The following LRRTM4 variants were observed in gnomAD, a reference collection of about 807,000 sequenced individuals.
LRRTM4 encodes the protein leucine-rich repeat transmembrane neuronal protein 4.
In LRRTM4, 25 loss-of-function variants were observed where a neutral mutation model predicts 47.6. The ratio of observed to expected loss-of-function variants is 0.53; its 90% CI spans 0.38 to 0.73. The LOEUF (loss-of-function observed/expected upper bound fraction) is 0.73. LRRTM4 is among the 30% of genes least tolerant of loss of function. The pLI is 0.00. For synonymous variants in LRRTM4, 311 were observed against 269.5 expected (o/e 1.15, Z -1.51); for missense variants, 638 against 713.4 (o/e 0.89, Z 1.20).
chr2:77,052,588 T>A (rs1679474925), intron 3 of LRRTM4, among the ~76,000 whole-genome samples: 1 of 152,080 alleles, frequency 6.6e-6, no homozygotes, highest in Admixed American at 6.6e-5. Flanking sequence ...TTTTTTTTAC[T>A]GATCTGAAGG....
chr2:77,189,988 A>G (rs1051751100), intron 3 of LRRTM4, among the ~76,000 whole-genome samples: 13 of 152,152 alleles, frequency 8.5e-5, no homozygotes, highest in African/African-American at 3.1e-4. Context: ...TAGTTAAATG[A>G]GATACAATAT....
intron 3 of LRRTM4, among the ~76,000 whole-genome samples, chr2:76,911,441 T>C (rs1226979321): frequency 2.0e-5 from 3 of 152,224 alleles, no homozygotes; most frequent in African/African-American, 7.2e-5. Context: ...CAATCTGATA[T>C]AAATCTCTTT....
At position 77,136,079 on chromosome 2, in the gene LRRTM4, C is replaced by T. The variant is rs181648292; in HGVS notation, c.1551+382239G>A. 2.7e-3 allele frequency among the ~76,000 whole-genome samples: 415 copies of T among 152,204 alleles called. 2 individuals are homozygous for T. The highest frequency in any genetic ancestry group is 0.01 in the Middle Eastern group (3 of 292). On this transcript the variant is annotated intron_variant, in intron 3 of 3. Transcript: ENST00000409884. The stretch of plus-strand genomic sequence containing the variant: ...AGTCTACAGCTCCCAGCCTGAGTGA[C>T]GCAGAAGATGGGTGATTTCTGCATT...
intron 3 of LRRTM4, among the ~76,000 whole-genome samples, chr2:77,024,510 G>A (rs1573465900): frequency 6.9e-6 from 1 of 144,228 alleles, no homozygotes; most frequent in African/African-American, 2.5e-5. Context: ...AAAAAAAAAA[G>A]GAAAATTCAA....
At chr2:76,961,226 T>C (rs1050298731) in intron 3 of LRRTM4, among the ~76,000 whole-genome samples, 2 of 151,440 alleles carry the variant, frequency 1.3e-5, no homozygotes, top group Non-Finnish European at 3.0e-5. Flanking sequence ...TAAATAAATA[T>C]CTAATATAAT....
At chr2:77,362,336 A>G (rs903514062) in intron 3 of LRRTM4, among the ~76,000 whole-genome samples, 6 of 152,074 alleles carry the variant, frequency 3.9e-5, no homozygotes, top group African/African-American at 1.4e-4. Flanking sequence ...AGTATATGAG[A>G]CTGGTGTGCC....
chr2:76,809,791 A>C (rs1316402048), intron 3 of LRRTM4, among the ~76,000 whole-genome samples: 1 of 152,294 alleles, frequency 6.6e-6, no homozygotes, highest in East Asian at 1.9e-4. Flanking sequence ...ATGTGGATCC[A>C]GCCACAGTTA....
intron 3 of LRRTM4, among the ~76,000 whole-genome samples, chr2:77,490,165 G>T (rs991560642): frequency 6.6e-6 from 1 of 151,992 alleles, no homozygotes; most frequent in Non-Finnish European, 1.5e-5. Flanking sequence ...CACAAGAATT[G>T]CTTGAACTCA....
At chr2:76,968,950 G>A (rs1185277877) in intron 3 of LRRTM4, among the ~76,000 whole-genome samples, 2 of 151,784 alleles carry the variant, frequency 1.3e-5, no homozygotes, top group East Asian at 3.9e-4. Context: ...CAATTACCTT[G>A]CAGTCATTTG....
intron 3 of LRRTM4, among the ~76,000 whole-genome samples, chr2:77,393,371 C>A (rs1314651624): frequency 6.6e-6 from 1 of 151,902 alleles, no homozygotes; most frequent in African/African-American, 2.4e-5. Flanking sequence ...AAAATTGGAA[C>A]ACTATGGGAA....
At chr2:77,355,718 G>C (rs138315693) in intron 3 of LRRTM4, among the ~76,000 whole-genome samples, 96 of 152,330 alleles carry the variant, frequency 6.3e-4, no homozygotes, top group African/African-American at 2.2e-3. Flanking sequence ...CACCTGCTGA[G>C]AGAATCCAGT....
intron 3 of LRRTM4, among the ~76,000 whole-genome samples, chr2:77,125,996 T>C (rs1671644763): frequency 6.6e-6 from 1 of 151,396 alleles, no homozygotes; most frequent in Non-Finnish European, 1.5e-5. Context: ...ACCATACATA[T>C]ATATATAAGT....
chr2:76,849,961 G>A (rs1671944027), intron 3 of LRRTM4, among the ~76,000 whole-genome samples: 2 of 152,246 alleles, frequency 1.3e-5, no homozygotes, highest in South Asian at 4.1e-4. Context: ...AGTGAAAGGA[G>A]TTAATTTCTA....
intron 3 of LRRTM4, among the ~76,000 whole-genome samples, chr2:77,223,574 C>T (rs1207550405): frequency 6.6e-6 from 1 of 152,096 alleles, no homozygotes; most frequent in African/African-American, 2.4e-5. Flanking sequence ...AACAGACAAA[C>T]AGAGAGCCAA....
chr2:77,006,558 AG>A (rs1235030726), intron 3 of LRRTM4, among the ~76,000 whole-genome samples: 1 of 152,130 alleles, frequency 6.6e-6, no homozygotes, highest in Non-Finnish European at 1.5e-5. Flanking sequence ...TGAGGTATAG[AG>A]GGGTAAGAGC....
At chr2:76,861,706 G>T (rs561566307) in intron 3 of LRRTM4, among the ~76,000 whole-genome samples, 5 of 152,204 alleles carry the variant, frequency 3.3e-5, no homozygotes, top group Admixed American at 6.5e-5. Context: ...TTAATATAAT[G>T]CAATAATCCA....
chr2:77,063,574 AT>A lies in LRRTM4; in HGVS notation c.1552-314659del, dbSNP rs371479600. Among the ~76,000 whole-genome samples the A allele has an allele frequency of 4.0e-5, 6 of 151,876 alleles. No homozygotes were observed. In the South Asian group the frequency reaches 1.2e-3, roughly 32 times the overall value. The stretch of plus-strand genomic sequence containing the variant: ...CATGTGTAGTCTCTTTCAAATTAGC[AT>A]TTTTATCCAGAAGTCTTTAAAATAT... On this transcript the variant is annotated intron_variant, in intron 3 of 3. Coordinates refer to ENST00000409884, the MANE Select transcript of LRRTM4 (RefSeq NM_001134745.3).
At chr2:77,478,841 C>G (rs1027213133) in intron 3 of LRRTM4, among the ~76,000 whole-genome samples, 10 of 152,186 alleles carry the variant, frequency 6.6e-5, no homozygotes, top group African/African-American at 2.2e-4. Context: ...AAGTGCTCAT[C>G]TTGATTCACC....
At chr2:77,234,987 G>A (rs1675064904) in intron 3 of LRRTM4, among the ~76,000 whole-genome samples, 3 of 152,082 alleles carry the variant, frequency 2.0e-5, no homozygotes, top group Non-Finnish European at 4.4e-5. Context: ...GCAGTATTTA[G>A]CTTTCCATTA....
Sources: gnomAD v4.1 joint callset for allele counts (sites outside exome capture counted in the v4.1 genomes callset) on GRCh38, gnomAD v4.1.1 for gene constraint, MANE v1.5 for transcripts, NCBI Gene and HGNC (gene_info 2026-07-23, HGNC 2026-07-21) for gene names.